Variants in IQSEC1 observed in about 807,000 individuals in gnomAD.
IQSEC1 encodes the protein IQ motif and Sec7 domain ArfGEF 1.
Under a neutral mutation model 91.0 loss-of-function variants are expected in IQSEC1, and 31 were observed. The observed-to-expected ratio is 0.34, with a 90% CI of 0.26 to 0.46. IQSEC1 has a LOEUF of 0.46. Ranked by LOEUF, IQSEC1 falls within the 20% of genes least tolerant of loss-of-function variation. The pLI is 1.00. For synonymous variants in IQSEC1, 699 were observed against 662.6 expected (o/e 1.05, Z -0.84); for missense variants, 1,388 against 1,575.6 (o/e 0.88, Z 2.02).
In IQSEC1 at chr3:12,900,610, A is replaced by T; in HGVS notation, c.*373T>A. 1 of 1,058,030 alleles carries T rather than the reference A, an allele frequency of 9.5e-7. No individual in the cohort carries two copies. The highest frequency in any genetic ancestry group is 1.1e-6 in the Non-Finnish European group (1 of 875,208). The allele number at this position is 1,058,030 out of a possible 1,614,324, so 65.5% of individuals were successfully genotyped here. The stretch of plus-strand genomic sequence containing the variant: ...TTTGTTTTGTCTGTTTTTGTATCTC[A>T]TTTCTTCGTTTTCTAGGTTGGGTTT... On this transcript the variant is annotated 3_prime_UTR_variant, in exon 14 of 14. Coordinates refer to ENST00000613206, the MANE Select transcript of IQSEC1 (RefSeq NM_001134382.3).
At chr3:13,262,408 C>A (rs1181101217) in intron 1 of IQSEC1, among the ~76,000 whole-genome samples, 8 of 152,334 alleles carry the variant, frequency 5.3e-5, no homozygotes, top group Non-Finnish European at 8.8e-5. Context: ...ATCCTGAAAC[C>A]ATTCCTGTCT....
chr3:12,967,393 T>C lies in IQSEC1; in HGVS notation c.24-25528A>G. 6.5e-7 allele frequency: 1 copy of C among 1,535,204 alleles called. No homozygotes were observed. The highest frequency in any genetic ancestry group is 8.7e-7 in the Non-Finnish European group (1 of 1,144,580). ...CCCCGCGCCGCGCCCTCACCCGCTG[T>C]CAAGCTCTAGCTCCAGAAGGGACTG... is the stretch of plus-strand genomic sequence containing the variant. On this transcript the variant is annotated intron_variant, in intron 1 of 13. Transcript: ENST00000613206. This position sits in a 1 kb window ranked among gnomAD's most constrained non-coding sequence, Gnocchi z 5.9.
In IQSEC1 at chr3:12,941,871, G is replaced by A. The variant is rs901605994; in HGVS notation, c.24-6C>T. 2 of 1,574,534 alleles carry A rather than the reference G, an allele frequency of 1.3e-6. No individual in the cohort carries two copies. The highest frequency in any genetic ancestry group is 1.7e-6 in the Non-Finnish European group (2 of 1,158,838). ...TGGGGGCCTCGCCCTCGACGCTGCA[G>A]AGGAGAGAGAGGTGAGAAGCTTCTG... On this transcript the variant is annotated splice_polypyrimidine_tract_variant and splice_region_variant and intron_variant, in intron 1 of 13. Coordinates refer to ENST00000613206, the MANE Select transcript of IQSEC1 (RefSeq NM_001134382.3).
chr3:13,197,774 A>C (rs1257073240), intron 1 of IQSEC1, among the ~76,000 whole-genome samples: 1 of 152,218 alleles, frequency 6.6e-6, no homozygotes, highest in Non-Finnish European at 1.5e-5. Flanking sequence ...GGGCACACTG[A>C]GGTCCAGAGA....
chr3:13,146,422 T>C (rs189662284), intron 2 of IQSEC1, among the ~76,000 whole-genome samples: 12 of 152,294 alleles, frequency 7.9e-5, no homozygotes, highest in African/African-American at 2.9e-4. Flanking sequence ...GCCAGGAATT[T>C]AGCACAGCCA....
chr3:13,131,360 A>G (rs1429271652), intron 2 of IQSEC1, among the ~76,000 whole-genome samples: 1 of 136,968 alleles, frequency 7.3e-6, no homozygotes, highest in Non-Finnish European at 1.5e-5. Context: ...TGTACTTTAT[A>G]TTTAAAAAGT....
chr3:12,994,299 C>T lies in IQSEC1; in HGVS notation c.24-52434G>A, dbSNP rs1362551783. ...GCGCCGTGACCTTGGCGGGTGGCCT[C>T]GCCGCGCCTGGCCTCAGTTTCCCCC... On this transcript the variant is annotated intron_variant, in intron 1 of 13. Coordinates refer to ENST00000613206, the MANE Select transcript of IQSEC1 (RefSeq NM_001134382.3). This position sits in a 1 kb window ranked among gnomAD's most constrained non-coding sequence, Gnocchi z 4.5. 6.6e-6 allele frequency among the ~76,000 whole-genome samples: 1 copy of T among 151,656 alleles called. No homozygotes were observed. Among genetic ancestry groups the T allele is most frequent in the Non-Finnish European group, 1.5e-5 (1 of 67,834 alleles).
At chr3:13,177,936 C>T (rs533497963) in intron 1 of IQSEC1, among the ~76,000 whole-genome samples, 1 of 152,334 alleles carries the variant, frequency 6.6e-6, no homozygotes, top group Non-Finnish European at 1.5e-5. Flanking sequence ...GAAAAGAAGC[C>T]CCCTGCATCC....
chr3:13,194,813 C>T (rs1383749862), intron 1 of IQSEC1, among the ~76,000 whole-genome samples: 19 of 152,170 alleles, frequency 1.2e-4, no homozygotes, highest in African/African-American at 4.3e-4. Context: ...GCAGGCAATA[C>T]GAGCAAACTC....
intron 1 of IQSEC1, among the ~76,000 whole-genome samples, chr3:12,946,368 G>A (rs1434976592): frequency 6.6e-6 from 1 of 152,212 alleles, no homozygotes; most frequent in Admixed American, 6.5e-5. Flanking sequence ...GCTACATGCA[G>A]ACCAAGGAAT....
At chr3:13,163,065 C>A (rs540768541) in intron 2 of IQSEC1, among the ~76,000 whole-genome samples, 1 of 152,250 alleles carries the variant, frequency 6.6e-6, no homozygotes, top group East Asian at 1.9e-4. Flanking sequence ...CTGCCTCTCA[C>A]TCCCTGGACT....
At chr3:12,944,370 G>C (rs554662522) in intron 1 of IQSEC1, among the ~76,000 whole-genome samples, 1 of 152,224 alleles carries the variant, frequency 6.6e-6, no homozygotes, top group Admixed American at 6.5e-5. Flanking sequence ...GTACAAAGGA[G>C]CAAATGAGTC....
intron 1 of IQSEC1, among the ~76,000 whole-genome samples, chr3:13,276,571 T>C (rs1240130856): frequency 6.6e-6 from 1 of 152,066 alleles, no homozygotes; most frequent in Non-Finnish European, 1.5e-5. Context: ...AGCAGGGAAG[T>C]GGCTGAGGCA....
intron 1 of IQSEC1, among the ~76,000 whole-genome samples, chr3:13,054,592 T>C (rs1431477176): frequency 6.6e-6 from 1 of 152,220 alleles, no homozygotes; most frequent in African/African-American, 2.4e-5. Flanking sequence ...CTAACAGCGA[T>C]GCCAGGTCCC....
intron 1 of IQSEC1, among the ~76,000 whole-genome samples, chr3:13,278,840 G>A (rs1464271358): frequency 6.6e-6 from 1 of 151,900 alleles, no homozygotes; most frequent in Non-Finnish European, 1.5e-5. Flanking sequence ...AGGGTGGGGG[G>A]GGACAGGGAA....
At chr3:13,250,438 A>G (rs1369141599) in intron 1 of IQSEC1, among the ~76,000 whole-genome samples, 3 of 117,322 alleles carry the variant, frequency 2.6e-5, no homozygotes, top group African/African-American at 7.7e-5. Flanking sequence ...TTTTTTTTTG[A>G]GACAGAGTCT....
At chr3:13,250,430 T>G (rs1695174938) in intron 1 of IQSEC1, among the ~76,000 whole-genome samples, 1 of 149,484 alleles carries the variant, frequency 6.7e-6, no homozygotes, top group African/African-American at 2.5e-5. Flanking sequence ...CTTTTTTTTT[T>G]TTTTTTGAGA....
intron 12 of IQSEC1, 141 bp from the exon 13 acceptor site, chr3:12,902,963 C>T (rs1325492506): frequency 1.4e-6 from 1 of 708,074 alleles, no homozygotes; most frequent in Non-Finnish European, 2.6e-6. Context: ...CCCGCAGGAG[C>T]CAGGTGTGAG....
intron 2 of IQSEC1, among the ~76,000 whole-genome samples, chr3:13,117,454 C>T (rs1469543092): frequency 6.8e-6 from 1 of 147,846 alleles, no homozygotes; most frequent in East Asian, 2.0e-4. Context: ...GGCGTGGTGG[C>T]GTGCTACCAG....
Sources: allele counts gnomAD v4.1 joint callset (sites outside exome capture counted in the v4.1 genomes callset), GRCh38; gene constraint gnomAD v4.1.1; non-coding constraint Gnocchi (gnomAD v3.1); transcripts MANE v1.5; gene names NCBI Gene and HGNC (gene_info 2026-07-23, HGNC 2026-07-21).